Variants in PAPPA2 observed in about 807,000 individuals in gnomAD.
The protein encoded by PAPPA2 is pappalysin 2, also known as pappalysin-2.
In PAPPA2, 86 loss-of-function variants were observed where a neutral mutation model predicts 176.4. That is an observed-to-expected ratio of 0.49 (90% confidence interval 0.41 to 0.58). The LOEUF (loss-of-function observed/expected upper bound fraction) is 0.58, where lower values mean the gene tolerates loss of function less well. Among genes scored for constraint, PAPPA2 ranks in the 20% least tolerant of loss-of-function variants. The pLI, the probability that PAPPA2 is intolerant of heterozygous loss-of-function variation, is 0.00. For missense variants in PAPPA2, 2,073 were observed against 2,256.9 expected (o/e 0.92, Z 1.65); for synonymous variants, 809 against 852.2 (o/e 0.95, Z 0.88).
chr1:176,788,030 A>G (rs887059655), intron 17 of PAPPA2, among the ~76,000 whole-genome samples: 1 of 152,154 alleles, frequency 6.6e-6, no homozygotes, highest in African/African-American at 2.4e-5. Flanking sequence ...ATTGCACTCC[A>G]GCCTAGGCAA....
At chr1:176,709,958 T>C in intron 10 of PAPPA2, 25 bp from the exon 11 acceptor site, 5 of 1,567,822 alleles carry the variant, frequency 3.2e-6, no homozygotes, top group Non-Finnish European at 4.3e-6. Flanking sequence ...ACACTTTTTC[T>C]GTGTCACACA....
Position 176,812,220 on chromosome 1 carries a change from T to TG in PAPPA2, c.5202+12088_5202+12089insG, listed in dbSNP as rs1460629553. 1.6e-3 allele frequency among the ~76,000 whole-genome samples: 231 copies of TG among 146,942 alleles called. 2 individuals are homozygous for TG. The highest frequency in any genetic ancestry group is 8.5e-3 in the South Asian group (35 of 4,106). On this transcript the variant is annotated intron_variant, in intron 21 of 22. Coordinates refer to ENST00000367662, the MANE Select transcript of PAPPA2 (RefSeq NM_020318.3). ...TCTGGGCTTTTTTGTTCTTTTTTTT[T>TG]TGGGGGGAGGGTTCTTTTTCTCTTT...
chr1:176,842,255 A>C, intron 22 of PAPPA2, 125 bp from the exon 23 acceptor site: 3 of 820,300 alleles, frequency 3.7e-6, no homozygotes, highest in Non-Finnish European at 5.9e-6. Context: ...GTTAATTTCC[A>C]GTTTGTGATA....
intron 15 of PAPPA2, 146 bp from the exon 16 acceptor site, chr1:176,769,461 T>A: frequency 1.3e-6 from 1 of 749,398 alleles, no homozygotes; most frequent in South Asian, 1.7e-5. Flanking sequence ...ATTAAAACAG[T>A]GAGGCCTGAA....
intron 14 of PAPPA2, among the ~76,000 whole-genome samples, chr1:176,762,615 C>T (rs1417134804): frequency 2.0e-5 from 3 of 152,174 alleles, no homozygotes; most frequent in Non-Finnish European, 4.4e-5. Context: ...ATGTTTGGGA[C>T]ATCCATGGCA....
At chr1:176,513,679 T>C (rs563422233) in intron 1 of PAPPA2, among the ~76,000 whole-genome samples, 1 of 152,326 alleles carries the variant, frequency 6.6e-6, no homozygotes, top group African/African-American at 2.4e-5. Flanking sequence ...ATTTGTAAAA[T>C]GAGAGAGTTG....
chr1:176,595,182 C>G lies in PAPPA2; in HGVS notation c.1578C>G (p.Arg526=), dbSNP rs751177152. Residue 526 remains arginine, a synonymous_variant, in exon 3 of 23, where the codon CGC becomes CGG. Transcript: ENST00000367662. Reference sequence around the variant, plus strand: ...CCCTTCGGGGAGAGAAGGTGATACGCTACCAGGTGGTGAACATCTGTGATG... The same window carrying G: ...CCCTTCGGGGAGAGAAGGTGATACGGTACCAGGTGGTGAACATCTGTGATG... ...YWPLRGEKVI[R]YQVVNICDDE... is the part of the protein sequence containing the mutation. 3 of 1,614,232 alleles carry G rather than the reference C, an allele frequency of 1.9e-6. 1 individual carries two copies. The Admixed American group carries it at 5.0e-5, about 27-fold the overall frequency.
intron 1 of PAPPA2, among the ~76,000 whole-genome samples, chr1:176,510,962 T>G (rs1648568217): frequency 6.6e-6 from 1 of 151,696 alleles, no homozygotes; most frequent in Admixed American, 6.6e-5. Context: ...AAAAAAGAAT[T>G]AATGGGGCAA....
intron 9 of PAPPA2, among the ~76,000 whole-genome samples, chr1:176,705,897 C>G (rs1378081524): frequency 6.6e-6 from 1 of 152,102 alleles, no homozygotes; most frequent in East Asian, 1.9e-4. Context: ...ACAACTGCAC[C>G]TTTATGTAAC....
In PAPPA2 at chr1:176,557,044, A is replaced by G. The variant is rs772393874; in HGVS notation, c.722A>G (p.Gln241Arg). The G allele has an allele frequency of 2.9e-5, 47 of 1,613,704 alleles. No individual in the cohort carries two copies. The highest frequency in any genetic ancestry group is 5.0e-5 in the Admixed American group (3 of 59,972). The change falls in exon 2 of 23, where the codon CAA becomes CGA. Residue 241 changes from glutamine (Q) to arginine (R), a missense_variant. Physicochemically the swap from Gln to Arg is conservative, Grantham distance 43 (BLOSUM62 1). Transcript: ENST00000367662. ...AAGAGTCCACCGGAGGAAAGCAACC[A>G]AAATGGTGGAGAGGGCTCCTACCGA... Reference protein sequence around the residue: ...VKKSPPEESNQNGGEGSYREA... With the variant: ...VKKSPPEESNRNGGEGSYREA...
At position 176,556,005 on chromosome 1, in the gene PAPPA2, G is replaced by T; in HGVS notation, c.-318G>T. On this transcript the variant is annotated 5_prime_UTR_variant, in exon 2 of 23. It introduces an in-frame stop codon into an upstream open reading frame of the 5' UTR. Coordinates refer to ENST00000367662, the MANE Select transcript of PAPPA2 (RefSeq NM_020318.3). The stretch of plus-strand genomic sequence containing the variant: ...AAAAGAAAGAAATCTGAGCTTTCTG[G>T]GAGGAAATTCAAAGGAACCAAGAGA... The T allele has an allele frequency of 3.5e-6, 1 of 284,274 alleles. No homozygotes were observed. Among genetic ancestry groups the T allele is most frequent in the Non-Finnish European group, 6.6e-6 (1 of 152,478 alleles). 17.6% of individuals were successfully genotyped at this position (284,274 alleles called of 1,614,324 possible). A position where few individuals can be genotyped will look rare whatever the true frequency, so the allele number is the denominator to read the frequency against.
At chr1:176,681,496 A>G (rs1477441003) in intron 4 of PAPPA2, among the ~76,000 whole-genome samples, 1 of 152,270 alleles carries the variant, frequency 6.6e-6, no homozygotes, top group East Asian at 1.9e-4. Context: ...GGAGTGGGTT[A>G]TGGCTTCACA....
In PAPPA2 at chr1:176,706,394, T is replaced by G. The variant is rs752255949; in HGVS notation, c.3401T>G (p.Val1134Gly). The G allele has an allele frequency of 1.2e-6, 2 of 1,613,828 alleles. No homozygotes were observed. The highest frequency in any genetic ancestry group is 1.7e-6 in the Non-Finnish European group (2 of 1,179,776). ...LGEECDDGDLVSGDGCSKVCE... is the reference protein window; with the variant it reads ...LGEECDDGDLGSGDGCSKVCE... ...GAAGAGTGTGATGATGGAGACCTTG[T>G]GAGCGGAGATGGCTGCTCCAAGGTG... is the stretch of plus-strand genomic sequence containing the variant. Residue 1134 changes from valine to glycine, a missense_variant, in exon 10 of 23, where the codon GTG becomes GGG. By Grantham distance (109) the Val-to-Gly change is moderately radical. Around this residue, in one of 4 missense-constraint regions of PAPPA2, gnomAD observed 846 missense variants for 857.9 expected, o/e 0.99. Coordinates refer to ENST00000367662, the MANE Select transcript of PAPPA2 (RefSeq NM_020318.3).
chr1:176,652,664 T>G (rs1657797066), intron 3 of PAPPA2, among the ~76,000 whole-genome samples: 1 of 151,724 alleles, frequency 6.6e-6, no homozygotes, highest in Non-Finnish European at 1.5e-5. Context: ...TCTCTGGCTG[T>G]TCTCAGGGAT....
At chr1:176,614,967 A>G (rs1342425768) in intron 3 of PAPPA2, among the ~76,000 whole-genome samples, 3 of 152,270 alleles carry the variant, frequency 2.0e-5, no homozygotes, top group Admixed American at 6.5e-5. Flanking sequence ...TTGGGAAGAG[A>G]AGGAAAAAAA....
chr1:176,737,546 T>G (rs996735181), intron 12 of PAPPA2, among the ~76,000 whole-genome samples: 1 of 152,060 alleles, frequency 6.6e-6, no homozygotes. Flanking sequence ...ATTCCATAAC[T>G]TGATCAAACA....
intron 1 of PAPPA2, among the ~76,000 whole-genome samples, chr1:176,530,780 A>C (rs962367501): frequency 6.6e-6 from 1 of 152,216 alleles, no homozygotes; most frequent in Non-Finnish European, 1.5e-5. Context: ...AAATGACATA[A>C]TTCTATATTA....
intron 1 of PAPPA2, among the ~76,000 whole-genome samples, chr1:176,549,635 T>C (rs1650828376): frequency 6.6e-6 from 1 of 152,186 alleles, no homozygotes; most frequent in African/African-American, 2.4e-5. Flanking sequence ...TAAGCCAGCT[T>C]AGTGCTCCAT....
intron 21 of PAPPA2, among the ~76,000 whole-genome samples, chr1:176,816,441 G>A (rs1286863714): frequency 6.6e-6 from 1 of 150,742 alleles, no homozygotes; most frequent in Non-Finnish European, 1.5e-5. Flanking sequence ...AGAGGTACCA[G>A]ATGCCTCTAA....
Sources: allele counts gnomAD v4.1 joint callset (sites outside exome capture counted in the v4.1 genomes callset), GRCh38; gene constraint gnomAD v4.1.1; regional missense constraint gnomAD v4.1.1; transcripts MANE v1.5; gene names NCBI Gene and HGNC (gene_info 2026-07-23, HGNC 2026-07-21).